UGT2B11: variants seen among roughly 807,000 people sequenced by gnomAD.
The protein encoded by UGT2B11 is UDP glucuronosyltransferase family 2 member B11.
A neutral mutation model predicts 51.7 loss-of-function variants in UGT2B11; 49 were observed. The ratio of observed to expected loss-of-function variants is 0.95; its 90% confidence interval spans 0.75 to 1.20. UGT2B11 has a LOEUF of 1.20. Ranked by LOEUF, UGT2B11 falls within the 50% of genes most tolerant of loss-of-function variation. UGT2B11 has a pLI of 0.00. For synonymous variants in UGT2B11, 273 were observed against 209.0 expected (o/e 1.31, Z -2.64); for missense variants, 810 against 622.1 (o/e 1.30, Z -3.21).
intron 3 of UGT2B11, 160 bp from the exon 4 acceptor site, chr4:69,205,727 T>C (rs2109943951): frequency 1.2e-6 from 1 of 827,676 alleles, no homozygotes; most frequent in African/African-American, 1.8e-5. Context: ...TTTCTTAACT[T>C]TTATAATGAT....
At position 69,200,312 on chromosome 4, in the gene UGT2B11, A is replaced by ATTTTTTTTTTTT; in HGVS notation, c.*116_*127dup. On this transcript the variant is annotated 3_prime_UTR_variant, in exon 6 of 6. Transcript: ENST00000446444. Reference sequence around the variant, plus strand: ...TTTACTTGACAAGGTAGATTTGAAAATTTTTTTTTTTTTTTTTTTTTTGTC... The same window carrying ATTTTTTTTTTTT: ...TTTACTTGACAAGGTAGATTTGAAAATTTTTTTTTTTTTTTTTTTTTTTTTTTTTTTTTTGTC... The ATTTTTTTTTTTT allele has an allele frequency of 4.9e-6, 4 of 817,918 alleles. No individual in the cohort carries two copies. Among genetic ancestry groups the ATTTTTTTTTTTT allele is most frequent in the African/African-American group, 2.2e-5 (1 of 45,066 alleles). 50.7% of individuals were successfully genotyped at this position (817,918 alleles called of 1,614,324 possible). A position where few individuals can be genotyped will look rare whatever the true frequency, so the allele number is the denominator to read the frequency against.
In UGT2B11 at chr4:69,208,460, C is replaced by T; in HGVS notation, c.893G>A (p.Ser298Asn). ...CACCACAACACCATTTTCTCCAGAG[C>T]TCTGTACAAACTCCTCCATTTCCTG... ...LPKEMEEFVQSSGENGVVVFS... is the reference protein window; with the variant it reads ...LPKEMEEFVQNSGENGVVVFS... Residue 298 changes from serine to asparagine, a missense_variant, in exon 3 of 6, where the codon AGC becomes AAC. Coordinates refer to ENST00000446444, the MANE Select transcript of UGT2B11 (RefSeq NM_001073.3). 1 of 1,609,254 alleles carries T rather than the reference C, an allele frequency of 6.2e-7. No homozygotes were observed. The highest frequency in any genetic ancestry group is 8.5e-7 in the Non-Finnish European group (1 of 1,177,926).
intron 5 of UGT2B11, among the ~76,000 whole-genome samples, chr4:69,202,615 A>T (rs1285597544): frequency 6.6e-6 from 1 of 151,660 alleles, no homozygotes; most frequent in African/African-American, 2.4e-5. Flanking sequence ...ATATGTGTGT[A>T]TGTCATTTTA....
chr4:69,205,706 T>C, intron 3 of UGT2B11, 139 bp from the exon 4 acceptor site: 3 of 967,294 alleles, frequency 3.1e-6, no homozygotes, highest in East Asian at 5.6e-5. Context: ...AAAAGAATAC[T>C]CACATTTTAT....
upstream of UGT2B11, among the ~76,000 whole-genome samples, chr4:69,218,143 C>A (rs1449941017): frequency 6.6e-6 from 1 of 152,118 alleles, no homozygotes; most frequent in African/African-American, 2.4e-5. Context: ...TACTTTTTCA[C>A]AGGTGTTATT....
rs544368980 is a variant in UGT2B11 at position 69,200,619 on chromosome 4, T to C, written c.1411A>G (p.Lys471Glu). 1 of 1,612,462 alleles carries C rather than the reference T, an allele frequency of 6.2e-7. No homozygotes were observed. The highest frequency in any genetic ancestry group is 2.2e-5 in the East Asian group (1 of 44,752). Residue 471 changes from lysine (K) to glutamate (E), a missense_variant, in exon 6 of 6, where the codon AAA (lysine) becomes GAA (glutamate). Transcript: ENST00000446444. ...GCAACTCGAAGGTGTTTGGCTCCTT[T>C]GTGGGGCATGACAAATTCAATCCAG... ...VFWIEFVMPH[K>E]GAKHLRVAAH...
chr4:69,201,181 T>C (rs1431182986), intron 5 of UGT2B11: 1 of 153,190 alleles, frequency 6.5e-6, no homozygotes, highest in Non-Finnish European at 1.5e-5. Flanking sequence ...GGCATATGAG[T>C]ACATGCTCAG....
the UGT2B11 span, among the ~76,000 whole-genome samples, chr4:69,222,459 G>A: frequency 2.6e-5 from 4 of 152,244 alleles, no homozygotes; most frequent in African/African-American, 9.6e-5. Context: ...AATGCCAGCG[G>A]CCCCAGTCTC....
In UGT2B11 at chr4:69,204,457, G is replaced by A. The variant is rs753751068; in HGVS notation, c.1283C>T (p.Ala428Val). The change falls in exon 5 of 6, where the codon GCA (alanine) becomes GTA (valine). Residue 428 changes from alanine to valine, a missense_variant. Physicochemically the swap from Ala to Val is moderately conservative, Grantham distance 64. Transcript: ENST00000446444. The part of the protein sequence containing the change: ...NTMSSTDLLN[A>V]LKTVINDPLY... Reference sequence around the variant, plus strand: ...AGGATCATTAATTACTGTCTTCAGTGCATTCAGCAGGTCTGTACTCGACAT... The same window carrying A: ...AGGATCATTAATTACTGTCTTCAGTACATTCAGCAGGTCTGTACTCGACAT... 1.1e-5 allele frequency: 17 copies of A among 1,611,890 alleles called. No homozygotes were observed. Among genetic ancestry groups the A allele is most frequent in the Non-Finnish European group, 1.4e-5 (17 of 1,178,608 alleles).
the UGT2B11 span, among the ~76,000 whole-genome samples, chr4:69,219,765 C>T: frequency 6.6e-5 from 10 of 152,254 alleles, 1 homozygote; most frequent in Admixed American, 1.3e-4. Flanking sequence ...TACAATGATT[C>T]AATTACCTCT....
rs145988491 is a variant in UGT2B11, at chr4:69,212,573, C to T, written c.870G>A (p.Lys290=). The change falls in exon 2 of 6, where the codon AAG becomes AAA. Residue 290 remains lysine, a splice_region_variant and synonymous_variant. Transcript: ENST00000446444. ...ATAAAACCAACAAAAGTATGTTTACCTTAGGTAGGGGTTTGGCAGGTTTGC... is the reference window on the plus strand; with the variant it reads ...ATAAAACCAACAAAAGTATGTTTACTTTAGGTAGGGGTTTGGCAGGTTTGC... ...FHCKPAKPLP[K]EMEEFVQSSG... 19 of 1,605,116 alleles carry T rather than the reference C, an allele frequency of 1.2e-5. No individual in the cohort carries two copies. The highest frequency in any genetic ancestry group is 3.4e-6 in the Non-Finnish European group (4 of 1,175,796).
intron 3 of UGT2B11, 41 bp downstream of exon 3, chr4:69,208,310 C>T (rs772516303): frequency 1.2e-6 from 2 of 1,606,342 alleles, no homozygotes; most frequent in South Asian, 2.2e-5. Context: ...TTAACAGCCT[C>T]TTTCAGCAGT....
intron 2 of UGT2B11, among the ~76,000 whole-genome samples, chr4:69,211,396 G>C (rs532528196): frequency 1.8e-3 from 278 of 151,508 alleles, no homozygotes; most frequent in Non-Finnish European, 1.9e-3. Flanking sequence ...AGTCCACAGG[G>C]TATCTGTCAT....
In UGT2B11 at chr4:69,214,356, A is replaced by C. The variant is rs748002147; in HGVS notation, c.367T>G (p.Phe123Val). Reference protein sequence around the residue: ...QEILWELYDIFRNFCKDVVSN... With the variant: ...QEILWELYDIVRNFCKDVVSN... ...ACTACATCTTTACAGAAGTTTCTAA[A>C]TATGTCATATAATTCCCACAGGATT... Residue 123 changes from phenylalanine (F) to valine (V), a missense_variant, in exon 1 of 6, where the codon TTT becomes GTT. Physicochemically the swap from Phe to Val is conservative, Grantham distance 50 (BLOSUM62 -1). Coordinates refer to ENST00000446444, the MANE Select transcript of UGT2B11 (RefSeq NM_001073.3). 2.5e-6 allele frequency: 4 copies of C among 1,612,568 alleles called. No individual in the cohort carries two copies. In the South Asian group the frequency reaches 4.4e-5, roughly 18 times the overall value.
chr4:69,205,575 A>G lies in UGT2B11; in HGVS notation c.1003-8T>C, dbSNP rs765767166. 1.9e-6 allele frequency: 3 copies of G among 1,608,586 alleles called. No homozygotes were observed. Among genetic ancestry groups the G allele is most frequent in the South Asian group, 2.2e-5 (2 of 90,748 alleles). On this transcript the variant is annotated splice_region_variant and splice_polypyrimidine_tract_variant and intron_variant, in intron 3 of 5. Coordinates refer to ENST00000446444, the MANE Select transcript of UGT2B11 (RefSeq NM_001073.3). ...GTCAAATCTCCACAGAACCTGTTAC[A>G]GTAAAGAGAATATCTTATTCCATGA...
At chr4:69,206,202 T>C (rs917109619) in intron 3 of UGT2B11, among the ~76,000 whole-genome samples, 1 of 151,188 alleles carries the variant, frequency 6.6e-6, no homozygotes, top group African/African-American at 2.4e-5. Flanking sequence ...CTATTCACAA[T>C]AGCAAGGACA....
intron 3 of UGT2B11, among the ~76,000 whole-genome samples, chr4:69,206,075 A>G (rs1721844593): frequency 1.3e-5 from 2 of 151,584 alleles, no homozygotes; most frequent in Admixed American, 1.3e-4. Flanking sequence ...GCCATTCCTC[A>G]GAAACCTAGA....
At chr4:69,202,822 C>T (rs1218212275) in intron 5 of UGT2B11, among the ~76,000 whole-genome samples, 4 of 151,578 alleles carry the variant, frequency 2.6e-5, no homozygotes, top group South Asian at 2.1e-4. Flanking sequence ...TTCCCATCTT[C>T]TTTAAAGGTA....
intron 2 of UGT2B11, among the ~76,000 whole-genome samples, chr4:69,211,840 A>T (rs1169260660): frequency 6.6e-6 from 1 of 151,438 alleles, no homozygotes; most frequent in Non-Finnish European, 1.5e-5. Context: ...TTTATTTCTT[A>T]ACTCTTTTTA....
Sources: allele counts gnomAD v4.1 joint callset (sites outside exome capture counted in the v4.1 genomes callset), GRCh38; gene constraint gnomAD v4.1.1; transcripts MANE v1.5; gene names NCBI Gene and HGNC (gene_info 2026-07-23, HGNC 2026-07-21).